Variants in PCDHGB2 observed in about 807,000 individuals in gnomAD.
PCDHGB2 encodes the protein protocadherin gamma-B2.
A neutral mutation model predicts 59.3 loss-of-function variants in PCDHGB2; 55 were observed. That is an observed-to-expected ratio of 0.93 (90% confidence interval 0.75 to 1.16). PCDHGB2 has a LOEUF of 1.16. PCDHGB2 is among the 50% of genes most tolerant of loss of function. The probability of loss-of-function intolerance (pLI) is 0.00; values close to 1 mark genes in which losing one functional copy is unlikely to be tolerated. For missense variants in PCDHGB2, 1,228 were observed against 1,198.5 expected, an observed-to-expected ratio of 1.02 and a Z score of -0.36; for synonymous variants, 516 against 512.0, an observed-to-expected ratio of 1.01 and a Z score of -0.11.
chr5:141,395,259 C>A, intron 1 of PCDHGB2: 1 of 1,551,968 alleles, frequency 6.4e-7, no homozygotes, highest in South Asian at 1.2e-5. Context: ...TCTTTGCTTG[C>A]TTTTAATTTC....
chr5:141,365,052 T>C (rs1179156267), intron 1 of PCDHGB2: 13 of 1,613,872 alleles, frequency 8.1e-6, no homozygotes, highest in Middle Eastern at 1.6e-4. Flanking sequence ...AATGCGCCCC[T>C]GTTCACCCCA....
At chr5:141,466,180 A>AT (rs922532578) in intron 1 of PCDHGB2, among the ~76,000 whole-genome samples, 11 of 151,256 alleles carry the variant, frequency 7.3e-5, no homozygotes, top group South Asian at 2.1e-4. Context: ...TTTTATTTTT[A>AT]TTTTTTTTCA....
At chr5:141,405,938 G>A (rs1249578216) in intron 1 of PCDHGB2, among the ~76,000 whole-genome samples, 2 of 152,114 alleles carry the variant, frequency 1.3e-5, no homozygotes, top group Non-Finnish European at 2.9e-5. Flanking sequence ...TAACTTTCAT[G>A]TTCTCATAAT....
rs781591902 is a variant in PCDHGB2, at chr5:141,477,086, G to A, written c.2422-17721G>A. The A allele has an allele frequency of 1.1e-5, 18 of 1,614,128 alleles. No individual in the cohort carries two copies. In the East Asian group the frequency reaches 3.8e-4, roughly 34 times the overall value. The stretch of plus-strand genomic sequence containing the variant: ...CAAACTCCATGAGATTTACATCCAG[G>A]CCAAAGACAAGGGCGCCAATCCCGA... On this transcript the variant is annotated intron_variant, in intron 1 of 3. Coordinates refer to ENST00000522605, the MANE Select transcript of PCDHGB2 (RefSeq NM_018923.3). The surrounding 1 kb of genome is among the most constrained non-coding windows in gnomAD (Gnocchi z 4.9).
intron 1 of PCDHGB2, chr5:141,407,937 C>G: frequency 2.0e-6 from 1 of 511,428 alleles, no homozygotes; most frequent in Non-Finnish European, 3.3e-6. Context: ...AGCCTCTGGG[C>G]GCCGCTGTCG....
chr5:141,399,608 C>T (rs767025311), intron 1 of PCDHGB2: 3 of 1,613,962 alleles, frequency 1.9e-6, no homozygotes, highest in Non-Finnish European at 2.5e-6. Flanking sequence ...GACCTAGAGC[C>T]TCTGGCACTG....
rs775247725 is a variant in PCDHGB2, at chr5:141,393,523, A to T, written c.2421+30967A>T. The T allele has an allele frequency of 2.0e-5, 33 of 1,613,900 alleles. No individual in the cohort carries two copies. Among genetic ancestry groups the T allele is most frequent in the Middle Eastern group, 1.6e-4 (1 of 6,084 alleles). ...CACGTGACAGTGTTGGATACAAATG[A>T]CAATGCCCCGGTTTTTCCTCACCCG... is the stretch of plus-strand genomic sequence containing the variant. On this transcript the variant is annotated intron_variant, in intron 1 of 3. Transcript: ENST00000522605.
Position 141,360,363 on chromosome 5 carries a change from A to T in PCDHGB2, c.228A>T (p.Thr76=), listed in dbSNP as rs1213185009. ...TTAGCGCGGAGAAGGAATATTTCAC[A>T]GTAAACCCAGAAAGCGGAGACTTAC... ...LRVSAEKEYF[T]VNPESGDLLV... is the part of the protein sequence containing the mutation. The change falls in exon 1 of 4, where the codon ACA becomes ACT. Residue 76 remains threonine, a synonymous_variant. Transcript: ENST00000522605. 6.2e-7 allele frequency: 1 copy of T among 1,613,936 alleles called. No individual in the cohort carries two copies. The highest frequency in any genetic ancestry group is 8.5e-7 in the Non-Finnish European group (1 of 1,179,818).
intron 1 of PCDHGB2, chr5:141,375,729 G>A: frequency 1.9e-6 from 3 of 1,614,264 alleles, no homozygotes; most frequent in Non-Finnish European, 2.5e-6. Flanking sequence ...GTGTCACTGA[G>A]CCTGTTTGTG....
intron 1 of PCDHGB2, chr5:141,395,894 C>T (rs768471284): frequency 6.6e-6 from 1 of 152,020 alleles, no homozygotes; most frequent in Non-Finnish European, 1.5e-5. Flanking sequence ...CACCTGGGCT[C>T]CATGCCCATG....
At chr5:141,400,250 C>T (rs2093990136) in intron 1 of PCDHGB2, 1 of 1,614,066 alleles carries the variant, frequency 6.2e-7, no homozygotes, top group Non-Finnish European at 8.5e-7. Flanking sequence ...CTGGCCGTTG[C>T]CTTGCGCCTG....
In PCDHGB2 at chr5:141,489,087, T is replaced by A. The variant is rs2099682381; in HGVS notation, c.2422-5720T>A. ...CCCCCTGCCCACCCCCGCCACTCGG[T>A]GACTAAGAACTGCTGCAAGCAGGCA... is the stretch of plus-strand genomic sequence containing the variant. On this transcript the variant is annotated intron_variant, in intron 1 of 3. Coordinates refer to ENST00000522605, the MANE Select transcript of PCDHGB2 (RefSeq NM_018923.3). This position sits in a 1 kb window ranked among gnomAD's most constrained non-coding sequence, Gnocchi z 4.5. The A allele has an allele frequency of 4.6e-6, 1 of 216,106 alleles. No individual in the cohort carries two copies. Among genetic ancestry groups the A allele is most frequent in the Non-Finnish European group, 8.4e-6 (1 of 118,734 alleles). 13.4% of individuals were successfully genotyped at this position (216,106 alleles called of 1,614,324 possible). A position where few individuals can be genotyped will look rare whatever the true frequency, so the allele number is the denominator to read the frequency against.
At chr5:141,478,165 C>T (rs780594020) in intron 1 of PCDHGB2, 18 of 1,613,920 alleles carry the variant, frequency 1.1e-5, no homozygotes, top group Non-Finnish European at 1.5e-5. Context: ...GCTCTGCCCC[C>T]CGGGAGCAGA....
intron 1 of PCDHGB2, chr5:141,400,256 G>T (rs756430299): frequency 8.1e-6 from 13 of 1,613,868 alleles, no homozygotes; most frequent in Non-Finnish European, 1.1e-5. Flanking sequence ...GTTGCCTTGC[G>T]CCTGCGACGC....
At chr5:141,385,302 A>G in intron 1 of PCDHGB2, 1 of 1,613,202 alleles carries the variant, frequency 6.2e-7, no homozygotes, top group Admixed American at 1.7e-5. Flanking sequence ...AGGAATGTAA[A>G]GAAAACCTGC....
At chr5:141,502,082 G>A (rs538827992) in intron 2 of PCDHGB2, among the ~76,000 whole-genome samples, 1 of 152,252 alleles carries the variant, frequency 6.6e-6, no homozygotes, top group Non-Finnish European at 1.5e-5. Flanking sequence ...ACCTGGGGCT[G>A]AGAACACCTG....
In PCDHGB2 at chr5:141,385,425, T is replaced by C; in HGVS notation, c.2421+22869T>C. On this transcript the variant is annotated intron_variant, in intron 1 of 3. Coordinates refer to ENST00000522605, the MANE Select transcript of PCDHGB2 (RefSeq NM_018923.3). The stretch of plus-strand genomic sequence containing the variant: ...TTTTGAAAATAGGGATTTAAAAAAC[T>C]TTATAGAGGTAAAAATGAGTTTACC... The C allele has an allele frequency of 2.7e-6, 4 of 1,460,336 alleles. No individual in the cohort carries two copies. The South Asian group carries it at 4.4e-5, about 16-fold the overall frequency. The allele number at this position is 1,460,336 out of a possible 1,614,324, so 90.5% of individuals were successfully genotyped here. A position where few individuals can be genotyped will look rare whatever the true frequency, so the allele number is the denominator to read the frequency against.
intron 1 of PCDHGB2, chr5:141,366,751 G>T: frequency 6.2e-7 from 1 of 1,607,656 alleles, no homozygotes; most frequent in Non-Finnish European, 8.5e-7. Context: ...GGCGAGTTCA[G>T]GTTAGTTTTC....
chr5:141,383,440 G>A, intron 1 of PCDHGB2: 1 of 1,613,950 alleles, frequency 6.2e-7, no homozygotes, highest in Non-Finnish European at 8.5e-7. Context: ...CTTCTCCCTG[G>A]CTGTGCAAAG....
Sources: gnomAD v4.1 joint callset for allele counts (sites outside exome capture counted in the v4.1 genomes callset) on GRCh38, gnomAD v4.1.1 for gene constraint, Gnocchi (gnomAD v3.1) non-coding constraint, MANE v1.5 for transcripts, NCBI Gene and HGNC (gene_info 2026-07-23, HGNC 2026-07-21) for gene names.